Variants in UGT3A1 observed in about 807,000 individuals in gnomAD.
UGT3A1 encodes UDP-glycosyltransferase 3A1.
In UGT3A1, 40 loss-of-function variants were observed where a neutral mutation model predicts 37.6. The observed-to-expected ratio is 1.06, with a 90% CI of 0.83 to 1.38. UGT3A1 has a LOEUF of 1.38. Among genes scored for constraint, UGT3A1 ranks in the 40% most tolerant of loss-of-function variants. The pLI is 0.00. For synonymous variants in UGT3A1, 256 were observed against 232.3 expected (o/e 1.10, Z -0.93); for missense variants, 642 against 634.2 (o/e 1.01, Z -0.13).
intron 2 of UGT3A1, among the ~76,000 whole-genome samples, chr5:35,970,757 C>A (rs745610830): frequency 2.0e-5 from 3 of 152,122 alleles, no homozygotes; most frequent in Admixed American, 6.5e-5. Context: ...AGGGCCTTTA[C>A]GGATTAAATT....
intron 4 of UGT3A1, among the ~76,000 whole-genome samples, chr5:35,958,924 C>T (rs566946154): frequency 1.3e-5 from 2 of 152,258 alleles, no homozygotes; most frequent in South Asian, 4.1e-4. Flanking sequence ...TTCAAGCTGA[C>T]AGAAGTCATA....
At position 35,954,405 on chromosome 5, in the gene UGT3A1, C is replaced by T. The variant is rs1218554862; in HGVS notation, c.1369G>A (p.Gly457Ser). 3.1e-6 allele frequency: 5 copies of T among 1,614,082 alleles called. No individual in the cohort carries two copies. Among genetic ancestry groups the T allele is most frequent in the Non-Finnish European group, 4.2e-6 (5 of 1,180,044 alleles). The change falls in exon 7 of 7, where the codon GGC becomes AGC. Residue 457 changes from glycine to serine, a missense_variant. Coordinates refer to ENST00000274278, the MANE Select transcript of UGT3A1 (RefSeq NM_152404.4). Reference protein sequence around the residue: ...QPLSPAQRLVGWIDHILQTGG... With the variant: ...QPLSPAQRLVSWIDHILQTGG... ...GTCTGGAGGATGTGGTCGATCCAGC[C>T]CACCAGCCGCTGTGCGGGGCTCAGG...
At chr5:35,973,606 C>G (rs1318262012) in intron 2 of UGT3A1, among the ~76,000 whole-genome samples, 1 of 152,120 alleles carries the variant, frequency 6.6e-6, no homozygotes, top group Non-Finnish European at 1.5e-5. Flanking sequence ...GGACTGCTAA[C>G]CCAGTGCAGG....
At chr5:35,966,574 C>A (rs1739815580) in intron 3 of UGT3A1, among the ~76,000 whole-genome samples, 1 of 152,190 alleles carries the variant, frequency 6.6e-6, no homozygotes. Context: ...GTTTTACTGA[C>A]ACCTAGTTAA....
In UGT3A1 at chr5:35,954,105, G is replaced by C; in HGVS notation, c.*97C>G. ...CAAGTTGCAGGATCAGTGGCAGGTG[G>C]AGCTGAAGAGAGAACAGAGGGGTGG... On this transcript the variant is annotated 3_prime_UTR_variant, in exon 7 of 7. Transcript: ENST00000274278. 1 of 1,313,568 alleles carries C rather than the reference G, an allele frequency of 7.6e-7. No individual in the cohort carries two copies. Among genetic ancestry groups the C allele is most frequent in the Non-Finnish European group, 1.1e-6 (1 of 948,708 alleles). The allele number at this position is 1,313,568 out of a possible 1,614,324, so 81.4% of individuals were successfully genotyped here. A position where few individuals can be genotyped will look rare whatever the true frequency, so the allele number is the denominator to read the frequency against.
At position 35,954,069 on chromosome 5, in the gene UGT3A1, A is replaced by G; in HGVS notation, c.*133T>C. ...GAAGATTTCTAAACAGAGGCAGAGA[A>G]TAGAAAGAAGCAAGTTGCAGGATCA... On this transcript the variant is annotated 3_prime_UTR_variant, in exon 7 of 7. Transcript: ENST00000274278. The G allele has an allele frequency of 1.0e-6, 1 of 975,926 alleles. No homozygotes were observed. Among genetic ancestry groups the G allele is most frequent in the Non-Finnish European group, 1.5e-6 (1 of 660,410 alleles). The allele number at this position is 975,926 out of a possible 1,614,324, so 60.5% of individuals were successfully genotyped here.
chr5:35,984,424 G>GA (rs1295289811), intron 2 of UGT3A1, among the ~76,000 whole-genome samples: 1 of 150,926 alleles, frequency 6.6e-6, no homozygotes, highest in Non-Finnish European at 1.5e-5. Flanking sequence ...CATTCTTTCT[G>GA]AGCTTGTTTC....
intron 1 of UGT3A1, among the ~76,000 whole-genome samples, chr5:36,000,565 A>T (rs938824697): frequency 1.3e-5 from 2 of 152,182 alleles, no homozygotes; most frequent in African/African-American, 2.4e-5. Context: ...TCCTGAGTGG[A>T]CTGTAACTCC....
At chr5:35,979,419 T>C (rs1740429136) in intron 2 of UGT3A1, among the ~76,000 whole-genome samples, 1 of 152,160 alleles carries the variant, frequency 6.6e-6, no homozygotes, top group Admixed American at 6.5e-5. Flanking sequence ...CCAGATACCC[T>C]AAATCATCTC....
chr5:35,970,499 A>G (rs189862329), intron 2 of UGT3A1, among the ~76,000 whole-genome samples: 264 of 152,162 alleles, frequency 1.7e-3, no homozygotes, highest in Non-Finnish European at 3.0e-3. Context: ...GGTCCATCCC[A>G]CAACACGTGG....
Position 35,965,893 on chromosome 5 carries a change from C to T in UGT3A1, c.336G>A (p.Lys112=). The change falls in exon 4 of 7, where the codon AAG becomes AAA. Residue 112 remains lysine, a synonymous_variant. Transcript: ENST00000274278. ...ATTGAGTCCCAAATATTTCCATTAG[C>T]TTTACAAGGGCTTCAGATTCTTTTC... is the stretch of plus-strand genomic sequence containing the variant. ...DGRKESEALV[K]LMEIFGTQCS... is the part of the protein sequence containing the mutation. 1 of 1,569,718 alleles carries T rather than the reference C, an allele frequency of 6.4e-7. No homozygotes were observed. Among genetic ancestry groups the T allele is most frequent in the Non-Finnish European group, 8.6e-7 (1 of 1,162,350 alleles).
intron 1 of UGT3A1, among the ~76,000 whole-genome samples, chr5:35,998,807 C>T (rs1310895643): frequency 6.6e-6 from 1 of 152,146 alleles, no homozygotes; most frequent in Non-Finnish European, 1.5e-5. Flanking sequence ...ATTGATTGCC[C>T]TAACTGACTT....
intron 1 of UGT3A1, among the ~76,000 whole-genome samples, chr5:35,990,329 T>C (rs1740892919): frequency 1.3e-5 from 2 of 152,058 alleles, no homozygotes; most frequent in Non-Finnish European, 2.9e-5. Flanking sequence ...AGAGCCCTGA[T>C]TCTCCGTGAT....
In UGT3A1 at chr5:35,965,639, A is replaced by G. The variant is rs765279118; in HGVS notation, c.590T>C (p.Phe197Ser). The G allele has an allele frequency of 6.2e-7, 1 of 1,614,204 alleles. No homozygotes were observed. Among genetic ancestry groups the G allele is most frequent in the South Asian group, 1.1e-5 (1 of 91,088 alleles). The change falls in exon 4 of 7, where the codon TTC (phenylalanine) becomes TCC (serine). Residue 197 changes from phenylalanine to serine, a missense_variant. Transcript: ENST00000274278. ...CAGAAAATTCTTCACTCGGCCCCAG[A>G]AGTCCATGTGATCAGTCAGCAAGGA... Reference protein sequence around the residue: ...FPSLLTDHMDFWGRVKNFLMF... With the variant: ...FPSLLTDHMDSWGRVKNFLMF...
chr5:35,973,561 A>G (rs571242878), intron 2 of UGT3A1, among the ~76,000 whole-genome samples: 14 of 152,352 alleles, frequency 9.2e-5, no homozygotes, highest in African/African-American at 3.1e-4. Flanking sequence ...GGTACCCTGA[A>G]AAGTATCAAA....
chr5:35,973,872 T>C (rs1374596549), intron 2 of UGT3A1, among the ~76,000 whole-genome samples: 1 of 152,148 alleles, frequency 6.6e-6, no homozygotes, highest in Admixed American at 6.6e-5. Context: ...GTCAAAGCAA[T>C]AATTAGAATA....
chr5:35,994,028 T>C (rs549693235), upstream of UGT3A1, among the ~76,000 whole-genome samples: 2 of 152,304 alleles, frequency 1.3e-5, no homozygotes, highest in South Asian at 4.1e-4. Context: ...GAGGTTTATT[T>C]GCTGTTTAAA....
At chr5:35,961,734 A>G (rs1739594768) in intron 4 of UGT3A1, 1 of 152,186 alleles carries the variant, frequency 6.6e-6, no homozygotes, top group South Asian at 2.1e-4. Flanking sequence ...AGACCTCTAA[A>G]GTATTATCTG....
chr5:35,967,632 A>G (rs1426572515), intron 3 of UGT3A1, among the ~76,000 whole-genome samples: 3 of 152,204 alleles, frequency 2.0e-5, no homozygotes, highest in Non-Finnish European at 4.4e-5. Context: ...CAAACAAAAG[A>G]GTTGAAGATC....
Sources: gnomAD v4.1 joint callset for allele counts (sites outside exome capture counted in the v4.1 genomes callset) on GRCh38, gnomAD v4.1.1 for gene constraint, MANE v1.5 for transcripts, NCBI Gene and HGNC (gene_info 2026-07-23, HGNC 2026-07-21) for gene names.